The following TASOR variants were observed in gnomAD, a reference collection of about 807,000 sequenced individuals.
TASOR encodes transcription activation suppressor.
A neutral mutation model predicts 178.6 loss-of-function variants in TASOR; 53 were observed. The ratio of observed to expected loss-of-function variants is 0.30; its 90% CI spans 0.24 to 0.37. The LOEUF (loss-of-function observed/expected upper bound fraction) is 0.37. TASOR is among the 10% of genes least tolerant of loss of function. The pLI is 1.00. For missense variants in TASOR, 1,815 were observed against 1,971.4 expected (o/e 0.92, Z 1.50); for synonymous variants, 713 against 696.2 (o/e 1.02, Z -0.38).
Position 56,670,104 on chromosome 3 carries a change from G to A in TASOR, c.612C>T (p.Ser204=). ...ICEKGLHVGQ[S]KITILGSPSM... ...AAGGACTGCCAAGAATTGTTATTTTGGACTGACCCACATGTAATCCTTTTT... is the reference window on the plus strand; with the variant it reads ...AAGGACTGCCAAGAATTGTTATTTTAGACTGACCCACATGTAATCCTTTTT... The change falls in exon 4 of 24, where the codon TCC becomes TCT. Residue 204 remains serine (S), a synonymous_variant. Coordinates refer to ENST00000683822, the MANE Select transcript of TASOR (RefSeq NM_001365635.2). 1 of 1,541,140 alleles carries A rather than the reference G, an allele frequency of 6.5e-7. No individual in the cohort carries two copies.
At chr3:56,678,042 C>G (rs1199198933) in intron 1 of TASOR, among the ~76,000 whole-genome samples, 1 of 152,048 alleles carries the variant, frequency 6.6e-6, no homozygotes, top group Non-Finnish European at 1.5e-5. Flanking sequence ...TTTACAAGGG[C>G]ACTTAGAGAT....
chr3:56,683,029 G>A lies in TASOR; in HGVS notation c.-23C>T, dbSNP rs770530933. On this transcript the variant is annotated 5_prime_UTR_variant, in exon 1 of 24. Transcript: ENST00000683822. ...CATCGCGCCGGCCTAAGGAGCTCTGGGAAGCTTCTGCCCACAAGGTCGACG... is the reference window on the plus strand; with the variant it reads ...CATCGCGCCGGCCTAAGGAGCTCTGAGAAGCTTCTGCCCACAAGGTCGACG... 6.6e-7 allele frequency: 1 copy of A among 1,506,004 alleles called. No individual in the cohort carries two copies. The highest frequency in any genetic ancestry group is 1.3e-5 in the South Asian group (1 of 78,332). The allele number at this position is 1,506,004 out of a possible 1,614,324, so 93.3% of individuals were successfully genotyped here.
chr3:56,653,928 CTA>C (rs2107595648), intron 11 of TASOR, among the ~76,000 whole-genome samples: 1 of 152,246 alleles, frequency 6.6e-6, no homozygotes, highest in East Asian at 1.9e-4. Context: ...TATTTATTGA[CTA>C]TTTTTCTGAC....
chr3:56,625,308 G>T (rs2107526029), intron 21 of TASOR, among the ~76,000 whole-genome samples: 1 of 152,274 alleles, frequency 6.6e-6, no homozygotes, highest in East Asian at 1.9e-4. Flanking sequence ...GAACTTTAAT[G>T]AAGGACTTAA....
chr3:56,682,587 G>T (rs1482074358), intron 1 of TASOR, 89 bp downstream of exon 1: 1 of 1,176,270 alleles, frequency 8.5e-7, no homozygotes, highest in Non-Finnish European at 1.1e-6. Flanking sequence ...TACGTATCTC[G>T]GATGGGTGTG....
chr3:56,664,132 A>C (rs1450041641), intron 7 of TASOR: 1 of 152,168 alleles, frequency 6.6e-6, no homozygotes, highest in African/African-American at 2.4e-5. Flanking sequence ...CTCAATCATA[A>C]GGAAATACGT....
intron 1 of TASOR, among the ~76,000 whole-genome samples, chr3:56,675,984 GAAA>G (rs1050522321): frequency 6.6e-6 from 1 of 151,940 alleles, no homozygotes; most frequent in African/African-American, 2.4e-5. Flanking sequence ...AACTGTGCAC[GAAA>G]AAAATAGTCA....
intron 11 of TASOR, among the ~76,000 whole-genome samples, chr3:56,659,347 A>G (rs1211597884): frequency 6.6e-6 from 1 of 152,188 alleles, no homozygotes; most frequent in East Asian, 1.9e-4. Flanking sequence ...TAGCAAGACA[A>G]AAAGAAACCT....
At chr3:56,641,843 CA>C in intron 14 of TASOR, 91 bp from the exon 15 acceptor site, 6 of 1,292,576 alleles carry the variant, frequency 4.6e-6, no homozygotes, top group Non-Finnish European at 6.3e-6. Context: ...TATCATAAAG[CA>C]TTTATGGTCA....
intron 1 of TASOR, among the ~76,000 whole-genome samples, chr3:56,681,846 A>C (rs2031820737): frequency 6.6e-6 from 1 of 152,212 alleles, no homozygotes; most frequent in South Asian, 2.1e-4. Flanking sequence ...ACAAGTAATT[A>C]ATGTAACTGT....
Position 56,675,610 on chromosome 3 carries a change from A to AT in TASOR, c.332-1886dup, listed in dbSNP as rs528181972. 8.9e-4 allele frequency among the ~76,000 whole-genome samples: 135 copies of AT among 152,324 alleles called. No homozygotes were observed. The South Asian group carries it at 0.018, about 20-fold the overall frequency. ...AATACACCTAAAAGTCTATACATAT[A>AT]TATATTTCCCCAAATCAAAAAGGAA... On this transcript the variant is annotated intron_variant, in intron 1 of 23. Transcript: ENST00000683822.
chr3:56,647,843 T>G (rs975684028), intron 13 of TASOR, among the ~76,000 whole-genome samples: 1 of 152,214 alleles, frequency 6.6e-6, no homozygotes, highest in Admixed American at 6.5e-5. Flanking sequence ...TCCTGGCAAA[T>G]GATGCTTTAG....
intron 1 of TASOR, among the ~76,000 whole-genome samples, chr3:56,682,051 AAGAG>A (rs1310443112): frequency 1.3e-5 from 2 of 152,332 alleles, no homozygotes; most frequent in African/African-American, 2.4e-5. Context: ...TTCGAATTTA[AAGAG>A]AGAAAAACCT....
Position 56,623,137 on chromosome 3 carries a change from A to G in TASOR, c.4913T>C (p.Phe1638Ser). The G allele has an allele frequency of 6.2e-7, 1 of 1,613,836 alleles. No homozygotes were observed. The highest frequency in any genetic ancestry group is 8.5e-7 in the Non-Finnish European group (1 of 1,179,804). Residue 1638 changes from phenylalanine (F) to serine (S), a missense_variant, in exon 24 of 24, where the codon TTC becomes TCC. By Grantham distance (155) the Phe-to-Ser change is radical (BLOSUM62 -2). This residue lies in a region of TASOR where 278 missense variants were observed against 257.1 expected (regional missense o/e 1.08). Transcript: ENST00000683822. ...CAAGCTTTCAGTATAAGCAGATAAG[A>G]AGTAATTCTCATTTTCTTGAGACTG... is the stretch of plus-strand genomic sequence containing the variant. ...SSQSQENENYFLSAYTESLDR... is the reference protein window; with the variant it reads ...SSQSQENENYSLSAYTESLDR...
chr3:56,678,177 A>ATTTTTTTTTT (rs533306611), intron 1 of TASOR, among the ~76,000 whole-genome samples: 22 of 106,966 alleles, frequency 2.1e-4, no homozygotes, highest in East Asian at 3.0e-4. Flanking sequence ...CACACTTATG[A>ATTTTTTTTTT]TTTTTTTTTT....
intron 11 of TASOR, among the ~76,000 whole-genome samples, chr3:56,654,403 T>TGGGGGGGG (rs1559838476): frequency 1.7e-4 from 22 of 127,308 alleles, no homozygotes; most frequent in African/African-American, 3.5e-4. Context: ...TGGGCGGGGT[T>TGGGGGGGG]GGGGGGTGGT....
chr3:56,670,037 T>C (rs2030508598), intron 4 of TASOR, 36 bp downstream of exon 4: 6 of 1,294,788 alleles, frequency 4.6e-6, no homozygotes, highest in Middle Eastern at 2.0e-4. Flanking sequence ...AGCAACTTAG[T>C]AGTAGATATT....
chr3:56,671,747 C>G, intron 2 of TASOR, 55 bp from the exon 3 acceptor site: 1 of 1,349,054 alleles, frequency 7.4e-7, no homozygotes, highest in Non-Finnish European at 1.0e-6. Context: ...GTTTTTCAAG[C>G]TACAAGTTTT....
rs2107610699 is a variant in TASOR at position 56,660,911 on chromosome 3, T to C, written c.1264+3A>G. The C allele has an allele frequency of 6.2e-7, 1 of 1,609,940 alleles. No homozygotes were observed. Among genetic ancestry groups the C allele is most frequent in the Non-Finnish European group, 8.5e-7 (1 of 1,177,466 alleles). On this transcript the variant is annotated splice_donor_region_variant and intron_variant, in intron 10 of 23. Coordinates refer to ENST00000683822, the MANE Select transcript of TASOR (RefSeq NM_001365635.2). ...GCATTTCAATAAAATTAAATTACCT[T>C]ACCTTCATTTGGACCTAAGTATGTT...
Sources: allele counts gnomAD v4.1 joint callset (sites outside exome capture counted in the v4.1 genomes callset), GRCh38; gene constraint gnomAD v4.1.1; regional missense constraint gnomAD v4.1.1; transcripts MANE v1.5; gene names NCBI Gene and HGNC (gene_info 2026-07-23, HGNC 2026-07-21).